The following TENM2 variants were observed in gnomAD, a reference collection of about 807,000 sequenced individuals.
TENM2 encodes teneurin-2.
In TENM2, 52 loss-of-function variants were observed where a neutral mutation model predicts 245.2. The observed-to-expected ratio is 0.21, with a 90% CI of 0.17 to 0.27. The LOEUF (loss-of-function observed/expected upper bound fraction) is 0.27, where lower values mean the gene tolerates loss of function less well. TENM2 is among the 10% of genes least tolerant of loss of function. The probability of loss-of-function intolerance (pLI) is 1.00; values close to 1 mark genes in which losing one functional copy is unlikely to be tolerated. For missense variants in TENM2, 3,046 were observed against 3,666.8 expected, an observed-to-expected ratio of 0.83 and a Z score of 4.37; for synonymous variants, 1,363 against 1,438.9, an observed-to-expected ratio of 0.95 and a Z score of 1.19.
At chr5:168,213,866 G>T (rs1187407721) in intron 20 of TENM2, among the ~76,000 whole-genome samples, 1 of 152,126 alleles carries the variant, frequency 6.6e-6, no homozygotes, top group South Asian at 2.1e-4. Context: ...GGGGGCCTGT[G>T]CTCATTTCAA....
chr5:167,180,762 C>A, the TENM2 span, among the ~76,000 whole-genome samples: 2 of 151,944 alleles, frequency 1.3e-5, no homozygotes, highest in South Asian at 4.1e-4. Flanking sequence ...AGAGAAAATA[C>A]ATTTACTATT....
At chr5:167,945,667 TG>T (rs1190987604) in intron 3 of TENM2, among the ~76,000 whole-genome samples, 1 of 152,018 alleles carries the variant, frequency 6.6e-6, no homozygotes, top group African/African-American at 2.4e-5. Flanking sequence ...TATGCAGTGT[TG>T]ATCTGTGCGT....
Position 167,907,846 on chromosome 5 carries a change from A to G in TENM2, c.712+31651A>G, listed in dbSNP as rs180680009. Among the ~76,000 whole-genome samples, 609 of 152,108 alleles carry G rather than the reference A, an allele frequency of 4.0e-3. 2 individuals are homozygous for G. The highest frequency in any genetic ancestry group is 0.014 in the Middle Eastern group (4 of 294). On this transcript the variant is annotated intron_variant, in intron 3 of 28. Coordinates refer to ENST00000518659, the Ensembl canonical transcript of TENM2. The stretch of plus-strand genomic sequence containing the variant: ...ATAAAAGTTCCACGAACCTTGCATT[A>G]ATAACCATGCAGCCAATTTGTTAAA...
rs189993053 is a variant in TENM2, at chr5:167,763,062, C to T, written c.503-112924C>T. Among the ~76,000 whole-genome samples the T allele has an allele frequency of 1.7e-3, 256 of 152,262 alleles. 2 individuals are homozygous for T. Among genetic ancestry groups the T allele is most frequent in the African/African-American group, 5.7e-3 (238 of 41,550 alleles). The stretch of plus-strand genomic sequence containing the variant: ...CTCCCTGTAGAGCAATTCCGGAAAC[C>T]GGGACTGTGGCCCTAATGCACACAC... On this transcript the variant is annotated intron_variant, in intron 2 of 28. Coordinates refer to ENST00000518659, the Ensembl canonical transcript of TENM2.
At chr5:167,685,862 G>A (rs568442375) in intron 2 of TENM2, among the ~76,000 whole-genome samples, 2 of 150,936 alleles carry the variant, frequency 1.3e-5, no homozygotes, top group South Asian at 2.1e-4. Context: ...GGCCTCATAC[G>A]CTTTTTCAAC....
intron 1 of TENM2, among the ~76,000 whole-genome samples, chr5:167,353,481 G>GTTTTTTTT (rs1315088841): frequency 1.5e-5 from 1 of 67,094 alleles, no homozygotes; most frequent in East Asian, 4.4e-4. Context: ...AGTATATGGT[G>GTTTTTTTT]TTTTTTGTTG....
the TENM2 span, among the ~76,000 whole-genome samples, chr5:167,134,961 T>C: frequency 4.9e-3 from 753 of 152,360 alleles, 7 homozygotes; most frequent in African/African-American, 0.017. Flanking sequence ...AACGATGGTA[T>C]ATTAAGGCCT....
chr5:167,377,805 C>A (rs992843270), intron 2 of TENM2, among the ~76,000 whole-genome samples: 1 of 152,184 alleles, frequency 6.6e-6, no homozygotes, highest in Non-Finnish European at 1.5e-5. Flanking sequence ...AGTTGCCCCA[C>A]TGGTTCCACA....
chr5:167,902,337 G>A (rs971215895), intron 3 of TENM2, among the ~76,000 whole-genome samples: 7 of 152,192 alleles, frequency 4.6e-5, no homozygotes, highest in African/African-American at 1.7e-4. Flanking sequence ...TCAAGGTGTG[G>A]ACTGGGGTTG....
chr5:168,125,592 T>G (rs1581385161), intron 11 of TENM2, among the ~76,000 whole-genome samples: 1 of 152,050 alleles, frequency 6.6e-6, no homozygotes, highest in East Asian at 1.9e-4. Flanking sequence ...CTGAGAAAGG[T>G]TCTGTTCACA....
the TENM2 span, among the ~76,000 whole-genome samples, chr5:167,180,355 C>T: frequency 7.2e-5 from 11 of 152,114 alleles, no homozygotes; most frequent in African/African-American, 2.4e-4. Flanking sequence ...GTGATCTGCC[C>T]GCCTCAGCCT....
At chr5:167,016,048 A>G in the TENM2 span, among the ~76,000 whole-genome samples, 26 of 151,912 alleles carry the variant, frequency 1.7e-4, no homozygotes, top group African/African-American at 6.0e-4. Context: ...AGGTCAGGAG[A>G]TCGAGACCAT....
At chr5:167,179,088 A>AT in the TENM2 span, among the ~76,000 whole-genome samples, 5 of 151,950 alleles carry the variant, frequency 3.3e-5, no homozygotes, top group Admixed American at 2.0e-4. Context: ...ATACTTTGTG[A>AT]TTTTTTTTCT....
chr5:167,847,321 T>G (rs1488567966), intron 2 of TENM2, among the ~76,000 whole-genome samples: 2 of 152,220 alleles, frequency 1.3e-5, no homozygotes, highest in South Asian at 2.1e-4. Flanking sequence ...AACATCTGCT[T>G]AAATGCCTCC....
rs1242091718 is a variant in TENM2, at chr5:167,509,595, A to G, written c.502+134122A>G. Among the ~76,000 whole-genome samples the G allele has an allele frequency of 3.3e-5, 5 of 152,286 alleles. No individual in the cohort carries two copies. The East Asian group carries it at 9.7e-4, about 29-fold the overall frequency. ...TACCAATGACACACTCAGGAATCTA[A>G]TAATTTGAGGTTTAATGGGTAATTA... On this transcript the variant is annotated intron_variant, in intron 2 of 28. Coordinates refer to ENST00000518659, the Ensembl canonical transcript of TENM2.
chr5:167,630,537 A>G (rs1400468915), intron 2 of TENM2, among the ~76,000 whole-genome samples: 4 of 152,178 alleles, frequency 2.6e-5, no homozygotes, highest in Admixed American at 6.5e-5. Context: ...GGTAACTGAA[A>G]CTGCACGAAG....
At chr5:167,666,715 A>G in intron 2 of TENM2, among the ~76,000 whole-genome samples, 1 of 152,184 alleles carries the variant, frequency 6.6e-6, no homozygotes, top group Non-Finnish European at 1.5e-5. Context: ...GGTCTGAAAT[A>G]TTCATTCTTC....
At chr5:167,320,359 A>G (rs1391930892) in intron 1 of TENM2, among the ~76,000 whole-genome samples, 1 of 152,210 alleles carries the variant, frequency 6.6e-6, no homozygotes, top group African/African-American at 2.4e-5. Flanking sequence ...TAGGACCCAA[A>G]AGAAGAAATG....
intron 2 of TENM2, among the ~76,000 whole-genome samples, chr5:167,801,074 T>C (rs575135290): frequency 4.7e-4 from 61 of 130,928 alleles, no homozygotes; most frequent in African/African-American, 1.6e-3. Context: ...TTTTTCCCTA[T>C]ACTTTGAATG....
Sources: allele counts gnomAD v4.1 joint callset (sites outside exome capture counted in the v4.1 genomes callset), GRCh38; gene constraint gnomAD v4.1.1; transcripts MANE v1.5; gene names NCBI Gene and HGNC (gene_info 2026-07-23, HGNC 2026-07-21).